Variants in EBF2 observed in about 807,000 individuals in gnomAD.
EBF2 encodes the protein transcription factor COE2.
EBF2 carries 21 observed loss-of-function variants against 72.8 expected under a neutral mutation model. That is an observed-to-expected ratio of 0.29 (90% CI 0.20 to 0.42). The LOEUF (loss-of-function observed/expected upper bound fraction) is 0.42, where lower values mean the gene tolerates loss of function less well. Ranked by LOEUF, EBF2 falls within the 10% of genes least tolerant of loss-of-function variation. The probability of loss-of-function intolerance (pLI) is 1.00; values close to 1 mark genes in which losing one functional copy is unlikely to be tolerated. For synonymous variants in EBF2, 299 were observed against 274.2 expected, an observed-to-expected ratio of 1.09 and a Z score of -0.89; for missense variants, 637 against 731.2, an observed-to-expected ratio of 0.87 and a Z score of 1.49.
chr8:26,039,585 G>A (rs1805564858), intron 5 of EBF2, among the ~76,000 whole-genome samples: 1 of 152,188 alleles, frequency 6.6e-6, no homozygotes, highest in Non-Finnish European at 1.5e-5. Flanking sequence ...GAAATGAGCC[G>A]CTGGACCCTC....
At chr8:25,990,758 C>T (rs968717866) in intron 6 of EBF2, among the ~76,000 whole-genome samples, 6 of 152,206 alleles carry the variant, frequency 3.9e-5, no homozygotes, top group Admixed American at 1.3e-4. Flanking sequence ...CCATATGCTA[C>T]GCGATGTTGT....
chr8:25,866,382 T>C (rs1187758141), intron 10 of EBF2, among the ~76,000 whole-genome samples: 5 of 148,522 alleles, frequency 3.4e-5, no homozygotes, highest in African/African-American at 1.2e-4. Flanking sequence ...CTTCTTGGAG[T>C]TTTAGAAAAT....
chr8:25,954,171 G>A (rs542115502), intron 6 of EBF2, among the ~76,000 whole-genome samples: 1 of 152,320 alleles, frequency 6.6e-6, no homozygotes, highest in South Asian at 2.1e-4. Flanking sequence ...AAGGGTATGT[G>A]TGGGAGAGAG....
chr8:25,999,896 G>A (rs1804695546), intron 6 of EBF2, among the ~76,000 whole-genome samples: 1 of 151,846 alleles, frequency 6.6e-6, no homozygotes, highest in African/African-American at 2.4e-5. Flanking sequence ...TCTCCACTTG[G>A]ACCAAGACAT....
intron 10 of EBF2, among the ~76,000 whole-genome samples, chr8:25,863,510 G>A (rs1430292951): frequency 2.6e-5 from 4 of 152,024 alleles, no homozygotes; most frequent in Non-Finnish European, 5.9e-5. Context: ...AGAGTTTTCT[G>A]CATGCTGCTT....
At chr8:25,978,958 A>G (rs1258821253) in intron 6 of EBF2, among the ~76,000 whole-genome samples, 1 of 152,160 alleles carries the variant, frequency 6.6e-6, no homozygotes, top group Non-Finnish European at 1.5e-5. Context: ...CAGTGGCTTC[A>G]GGCTGGAAAA....
intron 6 of EBF2, among the ~76,000 whole-genome samples, chr8:25,962,028 A>G (rs955210238): frequency 5.3e-5 from 8 of 152,168 alleles, no homozygotes; most frequent in Non-Finnish European, 8.8e-5. Flanking sequence ...TAAGGAATAC[A>G]TATTTATTAG....
rs1438788859 is a variant in EBF2 at position 25,851,810 on chromosome 8, CAAGGGCGACACTTAT to C, written c.1529-1064_1529-1050del. On this transcript the variant is annotated intron_variant, in intron 14 of 15. Transcript: ENST00000520164. ...TTCAAAGTAAATTCGAAAGTGAGGA[CAAGGGCGACACTTAT>C]GACTGACCAACCAAGTACAAGGTGA... Among the ~76,000 whole-genome samples the C allele has an allele frequency of 2.0e-5, 3 of 152,192 alleles. No individual in the cohort carries two copies. The South Asian group carries it at 6.2e-4, about 32-fold the overall frequency.
chr8:25,932,741 T>C (rs1216327724), intron 6 of EBF2, among the ~76,000 whole-genome samples: 2 of 152,088 alleles, frequency 1.3e-5, no homozygotes, highest in African/African-American at 2.4e-5. Context: ...CTGAAGTAAA[T>C]TGACAGTCGT....
intron 6 of EBF2, among the ~76,000 whole-genome samples, chr8:25,936,321 C>T (rs1803578863): frequency 6.6e-6 from 1 of 152,154 alleles, no homozygotes; most frequent in South Asian, 2.1e-4. Context: ...CCTTAGCACC[C>T]CCGATGCTCC....
chr8:25,847,455 C>T lies in EBF2; in HGVS notation c.1697-2815G>A, dbSNP rs76493403. Among the ~76,000 whole-genome samples the T allele has an allele frequency of 7.0e-4, 106 of 152,294 alleles. 1 individual carries two copies. The East Asian group carries it at 0.015, about 22-fold the overall frequency. ...CTCAAGGGAACTTCACAATGTTGGA[C>T]ACTGAGCTTCCATGCACCTGGTCTA... is the stretch of plus-strand genomic sequence containing the variant. On this transcript the variant is annotated intron_variant, in intron 15 of 15. Coordinates refer to ENST00000520164, the MANE Select transcript of EBF2 (RefSeq NM_022659.4).
At chr8:25,909,615 C>T (rs1189776959) in intron 6 of EBF2, among the ~76,000 whole-genome samples, 1 of 152,198 alleles carries the variant, frequency 6.6e-6, no homozygotes, top group Non-Finnish European at 1.5e-5. Flanking sequence ...ATCAACAATG[C>T]TTCCAAAAAT....
intron 6 of EBF2, among the ~76,000 whole-genome samples, chr8:25,923,945 T>C (rs561557435): frequency 1.2e-4 from 18 of 152,286 alleles, no homozygotes; most frequent in Admixed American, 6.5e-4. Flanking sequence ...CCTAATGAGA[T>C]GATGCATTGA....
intron 7 of EBF2, among the ~76,000 whole-genome samples, chr8:25,894,466 T>C (rs575760760): frequency 6.6e-6 from 1 of 152,142 alleles, no homozygotes; most frequent in Admixed American, 6.5e-5. Context: ...TAGTGAGTAT[T>C]TCCTGGGTCA....
rs540477033 is a variant in EBF2, at chr8:25,939,551, T to A, written c.552-30996A>T. ...AACAGAAGACTCTAAAACAAAGCAA[T>A]GAATTGTGCTTATTGGTAAAATGGA... is the stretch of plus-strand genomic sequence containing the variant. On this transcript the variant is annotated intron_variant, in intron 6 of 15. Coordinates refer to ENST00000520164, the MANE Select transcript of EBF2 (RefSeq NM_022659.4). Among the ~76,000 whole-genome samples the A allele has an allele frequency of 5.3e-5, 8 of 152,300 alleles. No homozygotes were observed. The South Asian group carries it at 6.2e-4, about 12-fold the overall frequency.
intron 10 of EBF2, among the ~76,000 whole-genome samples, chr8:25,872,426 T>C (rs1464257318): frequency 1.3e-5 from 2 of 152,134 alleles, no homozygotes; most frequent in Non-Finnish European, 2.9e-5. Context: ...GATCCTAGGA[T>C]TACCATGGAA....
Position 25,977,749 on chromosome 8 carries a change from T to C in EBF2, c.551+55336A>G, listed in dbSNP as rs145312714. On this transcript the variant is annotated intron_variant, in intron 6 of 15. Transcript: ENST00000520164. ...CGAAGTGCACATGTACAAATGCTATTGGCTGACAGTTTCTTCTATGACACG... is the reference window on the plus strand; with the variant it reads ...CGAAGTGCACATGTACAAATGCTATCGGCTGACAGTTTCTTCTATGACACG... 1.4e-4 allele frequency among the ~76,000 whole-genome samples: 21 copies of C among 152,304 alleles called. No individual in the cohort carries two copies. The East Asian group carries it at 3.1e-3, about 22-fold the overall frequency.
rs11315038 is a variant in EBF2, at chr8:25,903,539, C to CA, written c.633+4934dup. Among the ~76,000 whole-genome samples, 111 of 151,268 alleles carry CA rather than the reference C, an allele frequency of 7.3e-4. 1 individual carries two copies. The highest frequency in any genetic ancestry group is 2.5e-3 in the Admixed American group (38 of 15,234). ...TGAAACCCCGTTTCTACTAAAAATACAAAAAAAAATAGCCAGGCGTGGTGG... is the reference window on the plus strand; with the variant it reads ...TGAAACCCCGTTTCTACTAAAAATACAAAAAAAAAATAGCCAGGCGTGGTGG... On this transcript the variant is annotated intron_variant, in intron 7 of 15. Coordinates refer to ENST00000520164, the MANE Select transcript of EBF2 (RefSeq NM_022659.4).
chr8:25,994,324 T>C (rs1003903087), intron 6 of EBF2, among the ~76,000 whole-genome samples: 1 of 152,176 alleles, frequency 6.6e-6, no homozygotes, highest in Non-Finnish European at 1.5e-5. Flanking sequence ...ATAGGAATGA[T>C]GTAAGGCAAA....
Sources: gnomAD v4.1 joint callset for allele counts (sites outside exome capture counted in the v4.1 genomes callset) on GRCh38, gnomAD v4.1.1 for gene constraint, MANE v1.5 for transcripts, NCBI Gene and HGNC (gene_info 2026-07-23, HGNC 2026-07-21) for gene names.